The following ARAP2 variants were observed in gnomAD, a reference collection of about 807,000 sequenced individuals.
ARAP2 encodes the protein ArfGAP with RhoGAP domain, ankyrin repeat and PH domain 2.
In ARAP2, 148 loss-of-function variants were observed where a neutral mutation model predicts 194.5. The observed-to-expected ratio is 0.76, with a 90% CI of 0.67 to 0.87. The LOEUF (loss-of-function observed/expected upper bound fraction) is 0.87. Among genes scored for constraint, ARAP2 ranks in the 40% least tolerant of loss-of-function variants. The pLI is 0.00. For missense variants in ARAP2, 2,128 were observed against 1,989.7 expected, an observed-to-expected ratio of 1.07 and a Z score of -1.32; for synonymous variants, 695 against 683.5, an observed-to-expected ratio of 1.02 and a Z score of -0.26.
intron 7 of ARAP2, chr4:36,015,766 G>T (rs1273672850): frequency 3.3e-5 from 5 of 152,204 alleles, no homozygotes; most frequent in Admixed American, 3.3e-4. Context: ...CTCTTGAAGT[G>T]AGAAGCTACA....
At chr4:36,164,829 C>A in intron 11 of ARAP2, 85 bp downstream of exon 11, 5 of 1,329,660 alleles carry the variant, frequency 3.8e-6, no homozygotes, top group African/African-American at 1.4e-5. Context: ...TAACCATTAG[C>A]TAGGATATAT....
intron 22 of ARAP2, among the ~76,000 whole-genome samples, chr4:36,121,781 G>A (rs1722735346): frequency 1.3e-5 from 2 of 151,642 alleles, no homozygotes; most frequent in Admixed American, 6.6e-5. Flanking sequence ...GCCAAGCTGG[G>A]CTAAATTTTC....
intron 1 of ARAP2, among the ~76,000 whole-genome samples, chr4:36,240,828 A>G (rs1417930028): frequency 6.6e-6 from 1 of 152,176 alleles, no homozygotes; most frequent in African/African-American, 2.4e-5. Context: ...AAACACAATA[A>G]AAAAACCTAA....
intron 2 of ARAP2, among the ~76,000 whole-genome samples, chr4:36,219,301 A>G (rs1351159779): frequency 6.6e-6 from 1 of 152,214 alleles, no homozygotes; most frequent in African/African-American, 2.4e-5. Context: ...ATGGATAAAC[A>G]AATTGGAGAT....
chr4:36,188,152 A>G (rs1190783892), intron 7 of ARAP2, among the ~76,000 whole-genome samples: 1 of 152,204 alleles, frequency 6.6e-6, no homozygotes, highest in Non-Finnish European at 1.5e-5. Flanking sequence ...CAGCATATAA[A>G]TATTACAAAT....
At chr4:36,132,542 C>T (rs1245147203) in intron 20 of ARAP2, among the ~76,000 whole-genome samples, 2 of 151,568 alleles carry the variant, frequency 1.3e-5, no homozygotes, top group African/African-American at 2.4e-5. Flanking sequence ...AAGATATATG[C>T]AACAAAAGGA....
chr4:36,180,430 C>T (rs563735365), intron 8 of ARAP2, among the ~76,000 whole-genome samples: 70 of 152,340 alleles, frequency 4.6e-4, no homozygotes, highest in South Asian at 1.7e-3. Context: ...AGCTATTCTA[C>T]ATTTTTCCAT....
intron 22 of ARAP2, among the ~76,000 whole-genome samples, chr4:36,121,611 A>G (rs1423385816): frequency 6.6e-6 from 1 of 151,780 alleles, no homozygotes; most frequent in Non-Finnish European, 1.5e-5. Flanking sequence ...GCAAACTATA[A>G]AACAACCTGT....
At chr4:36,077,337 C>T (rs1456767546) in intron 31 of ARAP2, among the ~76,000 whole-genome samples, 1 of 152,028 alleles carries the variant, frequency 6.6e-6, no homozygotes, top group Non-Finnish European at 1.5e-5. Context: ...TCAAACTGGA[C>T]TATAAAACTG....
intron 9 of ARAP2, among the ~76,000 whole-genome samples, chr4:36,168,301 CAG>C (rs1199518801): frequency 3.3e-5 from 5 of 152,148 alleles, no homozygotes; most frequent in Middle Eastern, 3.2e-3. Context: ...GCTAGAAGCA[CAG>C]AGTCATTTTA....
chr4:36,207,644 A>G (rs1745848882), intron 6 of ARAP2, among the ~76,000 whole-genome samples: 2 of 152,236 alleles, frequency 1.3e-5, no homozygotes, highest in East Asian at 3.8e-4. Flanking sequence ...GCTTAATGTC[A>G]TTCATTAAAC....
At chr4:36,113,410 T>C (rs1720523186) in intron 26 of ARAP2, among the ~76,000 whole-genome samples, 2 of 152,122 alleles carry the variant, frequency 1.3e-5, no homozygotes, top group African/African-American at 2.4e-5. Context: ...TTTCATTTTA[T>C]CACTTATTGC....
At chr4:36,118,453 G>C (rs1480131208) in intron 24 of ARAP2, among the ~76,000 whole-genome samples, 1 of 151,202 alleles carries the variant, frequency 6.6e-6, no homozygotes, top group Non-Finnish European at 1.5e-5. Context: ...AAAAATTTAA[G>C]TAAAAAAACA....
intron 5 of ARAP2, among the ~76,000 whole-genome samples, chr4:36,040,949 T>C (rs1305706207): frequency 6.6e-6 from 1 of 152,098 alleles, no homozygotes; most frequent in Non-Finnish European, 1.5e-5. Flanking sequence ...GCTTCCAGTA[T>C]GGTATTGGCC....
intron 9 of ARAP2, among the ~76,000 whole-genome samples, chr4:36,010,784 CT>C: frequency 6.6e-6 from 1 of 152,242 alleles, no homozygotes; most frequent in Middle Eastern, 3.4e-3. Flanking sequence ...AGCTCTCTGA[CT>C]TGCGGGATAT....
At chr4:36,090,422 G>C (rs546977555) in intron 28 of ARAP2, among the ~76,000 whole-genome samples, 1 of 152,138 alleles carries the variant, frequency 6.6e-6, no homozygotes, top group South Asian at 2.1e-4. Flanking sequence ...GCATCATCCT[G>C]ATACCAAAAC....
At chr4:36,128,041 A>G (rs775936237) in intron 21 of ARAP2, among the ~76,000 whole-genome samples, 3 of 152,026 alleles carry the variant, frequency 2.0e-5, no homozygotes, top group Non-Finnish European at 4.4e-5. Context: ...GTGTATAACA[A>G]AACTCTATTT....
intron 31 of ARAP2, 65 bp downstream of exon 31, chr4:36,080,151 C>A: frequency 7.5e-7 from 1 of 1,341,536 alleles, no homozygotes; most frequent in African/African-American, 1.5e-5. Context: ...AAATCACCAT[C>A]ACACTAACAT....
chr4:36,099,178 T>C (rs964170535), intron 27 of ARAP2, among the ~76,000 whole-genome samples: 2 of 152,018 alleles, frequency 1.3e-5, no homozygotes, highest in African/African-American at 4.8e-5. Context: ...CCCGTGTTAG[T>C]TTGCCGAGGA....
Sources: allele counts gnomAD v4.1 joint callset (sites outside exome capture counted in the v4.1 genomes callset), GRCh38; gene constraint gnomAD v4.1.1; transcripts MANE v1.5; gene names NCBI Gene and HGNC (gene_info 2026-07-23, HGNC 2026-07-21).